KSR2: variants seen among roughly 807,000 people sequenced by gnomAD.
KSR2 encodes kinase suppressor of ras 2.
KSR2 carries 25 observed loss-of-function variants against 107.8 expected under a neutral mutation model. The ratio of observed to expected loss-of-function variants is 0.23; its 90% CI spans 0.17 to 0.32. The LOEUF is 0.32. KSR2 is among the 10% of genes least tolerant of loss of function. The pLI, the probability that KSR2 is intolerant of heterozygous loss-of-function variation, is 1.00. For synonymous variants in KSR2, 480 were observed against 507.0 expected, an observed-to-expected ratio of 0.95 and a Z score of 0.71; for missense variants, 887 against 1,268.9, an observed-to-expected ratio of 0.70 and a Z score of 4.57.
chr12:117,851,760 G>A (rs1367403969), intron 3 of KSR2, among the ~76,000 whole-genome samples: 20 of 151,922 alleles, frequency 1.3e-4, no homozygotes, highest in African/African-American at 9.7e-5. Flanking sequence ...GCATGGTGGC[G>A]CATGCCTGTT....
chr12:117,761,767 A>G (rs1458466425), intron 3 of KSR2, among the ~76,000 whole-genome samples: 1 of 152,166 alleles, frequency 6.6e-6, no homozygotes, highest in African/African-American at 2.4e-5. Flanking sequence ...GTTACATCGT[A>G]TGCATGTTAT....
intron 16 of KSR2, among the ~76,000 whole-genome samples, chr12:117,481,446 T>G (rs541719107): frequency 6.6e-6 from 1 of 152,312 alleles, no homozygotes; most frequent in South Asian, 2.1e-4. Context: ...TCTCTCTCTC[T>G]TTCGGTGCAC....
intron 17 of KSR2, among the ~76,000 whole-genome samples, chr12:117,472,830 G>A (rs1347987625): frequency 6.6e-6 from 1 of 152,082 alleles, no homozygotes; most frequent in African/African-American, 2.4e-5. Flanking sequence ...TGTGGAGGGA[G>A]GTCTATTCAT....
At chr12:117,955,882 G>T (rs906031423) in intron 1 of KSR2, among the ~76,000 whole-genome samples, 22 of 151,284 alleles carry the variant, frequency 1.5e-4, no homozygotes, top group Non-Finnish European at 3.1e-4. Context: ...GTACATACAG[G>T]TGAAATTAAT....
At chr12:117,966,147 G>A (rs994261735) in intron 1 of KSR2, among the ~76,000 whole-genome samples, 3 of 152,176 alleles carry the variant, frequency 2.0e-5, no homozygotes, top group African/African-American at 7.2e-5. Context: ...GCAGAAAGAA[G>A]GCAATGCCCA....
chr12:117,573,717 T>C (rs527772134), intron 7 of KSR2, among the ~76,000 whole-genome samples: 1 of 151,858 alleles, frequency 6.6e-6, no homozygotes, highest in East Asian at 1.9e-4. Context: ...TTAGTGGAGA[T>C]GGGGTTTCAC....
At chr12:117,755,075 C>T (rs976162817) in intron 4 of KSR2, among the ~76,000 whole-genome samples, 1 of 152,188 alleles carries the variant, frequency 6.6e-6, no homozygotes, top group Non-Finnish European at 1.5e-5. Flanking sequence ...AACCAGAATG[C>T]ACCAAATAGC....
intron 1 of KSR2, among the ~76,000 whole-genome samples, chr12:117,910,846 C>T (rs1894988911): frequency 6.6e-6 from 1 of 152,176 alleles, no homozygotes. Flanking sequence ...GGGCTCAACT[C>T]TGTTCTTTTG....
rs191035517 is a variant in KSR2, at chr12:117,962,202, T to C, written c.180+5874A>G. ...ACCCTTGCTATACAAGGAGATTCCA[T>C]ACTTGTTCAACCTCAACTCCTAATA... On this transcript the variant is annotated intron_variant, in intron 1 of 19. Transcript: ENST00000339824. Among the ~76,000 whole-genome samples, 462 of 148,086 alleles carry C rather than the reference T, an allele frequency of 3.1e-3. 5 individuals are homozygous for C. The highest frequency in any genetic ancestry group is 3.5e-3 in the Non-Finnish European group (237 of 67,104).
intron 14 of KSR2, among the ~76,000 whole-genome samples, chr12:117,519,868 G>A (rs1008434981): frequency 2.0e-5 from 3 of 152,040 alleles, no homozygotes; most frequent in African/African-American, 4.8e-5. Context: ...CATAAACACC[G>A]GAAAATCAAG....
At chr12:117,770,771 TC>T (rs1251696786) in intron 3 of KSR2, among the ~76,000 whole-genome samples, 1 of 150,426 alleles carries the variant, frequency 6.6e-6, no homozygotes, top group Non-Finnish European at 1.5e-5. Flanking sequence ...ATCGAGACCA[TC>T]CTGGCTAACA....
chr12:117,527,302 GACAC>G (rs754390805), intron 12 of KSR2, among the ~76,000 whole-genome samples, 183 bp from the exon 13 acceptor site: 5,234 of 67,522 alleles, frequency 0.078, 318 homozygotes, highest in African/African-American at 0.23. Context: ...CACACACACA[GACAC>G]ACACACACAC....
chr12:117,672,881 G>A (rs913600427), intron 4 of KSR2, among the ~76,000 whole-genome samples: 4 of 152,152 alleles, frequency 2.6e-5, no homozygotes, highest in Admixed American at 2.0e-4. Flanking sequence ...TCTTGGCCTC[G>A]GCCTCCCAAA....
chr12:117,743,484 T>C (rs17619048), intron 4 of KSR2, among the ~76,000 whole-genome samples: 17,358 of 152,266 alleles, frequency 0.11, 1,029 homozygotes, highest in Non-Finnish European at 0.13. Flanking sequence ...TTCCAGAACA[T>C]GAACTATGCT....
At chr12:117,561,779 C>G (rs1158805724) in intron 7 of KSR2, among the ~76,000 whole-genome samples, 3 of 152,158 alleles carry the variant, frequency 2.0e-5, no homozygotes. Context: ...TTGTCTATTC[C>G]TTTTCTAAGA....
Position 117,476,447 on chromosome 12 carries a change from G to C in KSR2, c.2582+17C>G. On this transcript the variant is annotated intron_variant, in intron 17 of 19. Coordinates refer to ENST00000339824, the MANE Select transcript of KSR2 (RefSeq NM_173598.6). ...CCCAGGCTGTGGCTCTCAATGGCCAGGGCAGGGCCCACTTACCCAAGGGCA... is the reference window on the plus strand; with the variant it reads ...CCCAGGCTGTGGCTCTCAATGGCCACGGCAGGGCCCACTTACCCAAGGGCA... The C allele has an allele frequency of 6.3e-7, 1 of 1,583,772 alleles. No homozygotes were observed. Among genetic ancestry groups the C allele is most frequent in the Non-Finnish European group, 8.6e-7 (1 of 1,164,196 alleles).
At chr12:117,638,906 T>A (rs866966081) in intron 5 of KSR2, among the ~76,000 whole-genome samples, 39 of 152,148 alleles carry the variant, frequency 2.6e-4, no homozygotes, top group Admixed American at 9.8e-4. Flanking sequence ...AATAATTTTT[T>A]AAAAATCAAA....
At chr12:117,648,863 G>A (rs972717448) in intron 5 of KSR2, among the ~76,000 whole-genome samples, 2 of 152,168 alleles carry the variant, frequency 1.3e-5, no homozygotes, top group African/African-American at 4.8e-5. Context: ...AATAGGCCTG[G>A]CCAATCAAAA....
intron 1 of KSR2, among the ~76,000 whole-genome samples, chr12:117,953,094 A>G (rs1042672516): frequency 6.6e-6 from 1 of 152,212 alleles, no homozygotes; most frequent in Non-Finnish European, 1.5e-5. Flanking sequence ...AAAGATGTTC[A>G]ACATCATTAG....
Sources: allele counts gnomAD v4.1 joint callset (sites outside exome capture counted in the v4.1 genomes callset), GRCh38; gene constraint gnomAD v4.1.1; transcripts MANE v1.5; gene names NCBI Gene and HGNC (gene_info 2026-07-23, HGNC 2026-07-21).